The following PRADC1 variants were observed in gnomAD, a reference collection of about 807,000 sequenced individuals.
PRADC1 encodes protease associated domain containing 1, also known as protease-associated domain-containing protein 1.
A neutral mutation model predicts 22.9 loss-of-function variants in PRADC1; 23 were observed. The ratio of observed to expected loss-of-function variants is 1.00; its 90% CI spans 0.72 to 1.42. The LOEUF is 1.42. PRADC1 is among the 40% of genes most tolerant of loss of function. PRADC1 has a pLI of 0.00. For missense variants in PRADC1, 207 were observed against 258.3 expected, an observed-to-expected ratio of 0.80 and a Z score of 1.36; for synonymous variants, 71 against 100.3, an observed-to-expected ratio of 0.71 and a Z score of 1.75.
Position 73,231,485 on chromosome 2 carries a change from C to A in PRADC1, c.68-1272G>T, listed in dbSNP as rs552595855. On this transcript the variant is annotated intron_variant, in intron 1 of 4. Transcript: ENST00000258083. ...AGGCTGGAGTGCAGTGGCGCCATCT[C>A]GCCTCACAGCAACCTCCACCTCCCA... is the stretch of plus-strand genomic sequence containing the variant. Among the ~76,000 whole-genome samples the A allele has an allele frequency of 5.3e-5, 8 of 151,292 alleles. No individual in the cohort carries two copies. In the East Asian group the frequency reaches 1.6e-3, roughly 30 times the overall value.
intron 1 of PRADC1, among the ~76,000 whole-genome samples, chr2:73,232,323 C>CA (rs1436542084): frequency 7.0e-6 from 1 of 143,222 alleles, no homozygotes; most frequent in East Asian, 2.0e-4. Context: ...GGCGACAGAG[C>CA]AAGACTCCGT....
Position 73,228,538 on chromosome 2 carries a change from C to T in PRADC1, c.483G>A (p.Leu161=). The T allele has an allele frequency of 3.7e-6, 6 of 1,614,202 alleles. No homozygotes were observed. The highest frequency in any genetic ancestry group is 5.1e-6 in the Non-Finnish European group (6 of 1,180,044). The change falls in exon 5 of 5, where the codon CTG becomes CTA. Residue 161 remains leucine (L), a synonymous_variant. Transcript: ENST00000258083. This position sits in a 1 kb window ranked among gnomAD's most constrained non-coding sequence, Gnocchi z 4.0. ...MIRRSLEQHG[L]PWAIISIPVN... is the part of the protein sequence containing the mutation. ...CTGGGATGGAAATGATGGCCCATGG[C>T]AGCCCATGCTGTTCCAGAGAGCGGC...
chr2:73,229,456 C>T lies in PRADC1; in HGVS notation c.278+5G>A, dbSNP rs1208285147. Reference sequence around the variant, plus strand: ...CTCCTCGTGTCCTGCCTGCCCACTCCTTACCCCCTCTCCACCAGAGCAATC... The same window carrying T: ...CTCCTCGTGTCCTGCCTGCCCACTCTTTACCCCCTCTCCACCAGAGCAATC... On this transcript the variant is annotated splice_donor_5th_base_variant and intron_variant, in intron 3 of 4. Coordinates refer to ENST00000258083, the MANE Select transcript of PRADC1 (RefSeq NM_032319.3). 2.5e-6 allele frequency: 4 copies of T among 1,608,566 alleles called. No homozygotes were observed. The highest frequency in any genetic ancestry group is 3.4e-6 in the Non-Finnish European group (4 of 1,174,912).
At position 73,228,630 on chromosome 2, in the gene PRADC1, C is replaced by T; in HGVS notation, c.447-56G>A. 1 of 1,611,486 alleles carries T rather than the reference C, an allele frequency of 6.2e-7. No individual in the cohort carries two copies. Among genetic ancestry groups the T allele is most frequent in the African/African-American group, 1.3e-5 (1 of 74,984 alleles). On this transcript the variant is annotated intron_variant, in intron 4 of 4. Coordinates refer to ENST00000258083, the MANE Select transcript of PRADC1 (RefSeq NM_032319.3). The surrounding 1 kb of genome is among the most constrained non-coding windows in gnomAD (Gnocchi z 4.0). ...TCACTTTCTTGGTACCCCATCATGC[C>T]CCACTGTCCCCATCAATCTGGGAGT...
At chr2:73,231,001 A>T (rs949274089) in intron 1 of PRADC1, among the ~76,000 whole-genome samples, 1 of 152,226 alleles carries the variant, frequency 6.6e-6, no homozygotes, top group Non-Finnish European at 1.5e-5. Context: ...CACACCTTAA[A>T]TGTCACTTCC....
intron 3 of PRADC1, 133 bp from the exon 4 acceptor site, chr2:73,229,095 C>T: frequency 6.3e-6 from 5 of 788,846 alleles, no homozygotes; most frequent in Non-Finnish European, 1.0e-5. Flanking sequence ...TAGCTAAAAG[C>T]ATGGATAATT....
rs1446515313 is a variant in PRADC1, at chr2:73,228,421, G to C, written c.*33C>G. The C allele has an allele frequency of 1.2e-6, 2 of 1,612,812 alleles. No individual in the cohort carries two copies. Among genetic ancestry groups the C allele is most frequent in the Non-Finnish European group, 1.7e-6 (2 of 1,179,764 alleles). On this transcript the variant is annotated 3_prime_UTR_variant, in exon 5 of 5. Transcript: ENST00000258083. The surrounding 1 kb of genome is among the most constrained non-coding windows in gnomAD (Gnocchi z 4.0). ...CTGGGTTTCCCCTTCCCAGCTCAGA[G>C]TCACTTATGGCTGGAATGTGGGACA... is the stretch of plus-strand genomic sequence containing the variant.
chr2:73,231,182 C>G (rs1226899021), intron 1 of PRADC1, among the ~76,000 whole-genome samples: 1 of 152,158 alleles, frequency 6.6e-6, no homozygotes, highest in South Asian at 2.1e-4. Flanking sequence ...TGCAGTGTTG[C>G]GATCTAGGCT....
rs1304083070 is a variant in PRADC1, at chr2:73,228,237, C to T, written c.*217G>A. ...TAGCCAGAAGCCCTGGGGCCTGTCT[C>T]TTGCCTCTTCTTGTAGCATGAGACA... On this transcript the variant is annotated 3_prime_UTR_variant, in exon 5 of 5. Coordinates refer to ENST00000258083, the MANE Select transcript of PRADC1 (RefSeq NM_032319.3). The surrounding 1 kb of genome is among the most constrained non-coding windows in gnomAD (Gnocchi z 4.0). 2 of 578,852 alleles carry T rather than the reference C, an allele frequency of 3.5e-6. No individual in the cohort carries two copies. The highest frequency in any genetic ancestry group is 3.8e-5 in the African/African-American group (2 of 53,218). The allele number at this position is 578,852 out of a possible 1,614,324, so 35.9% of individuals were successfully genotyped here.
At chr2:73,230,585 C>T (rs1005927623) in intron 1 of PRADC1, among the ~76,000 whole-genome samples, 1 of 152,220 alleles carries the variant, frequency 6.6e-6, no homozygotes, top group Non-Finnish European at 1.5e-5. Context: ...TTTCTGGTCC[C>T]ACTGCCATCC....
intron 1 of PRADC1, 30 bp downstream of exon 1, chr2:73,233,064 T>G: frequency 6.5e-7 from 1 of 1,528,138 alleles, no homozygotes; most frequent in Admixed American, 2.0e-5. Context: ...AGCCCCGCCC[T>G]GCAACGCAGT....
chr2:73,229,643 C>G (rs1034576193), intron 2 of PRADC1, 73 bp from the exon 3 acceptor site: 4 of 1,149,292 alleles, frequency 3.5e-6, no homozygotes, highest in Non-Finnish European at 5.3e-6. Flanking sequence ...GGCTGACAAT[C>G]CCATCTTATT....
In PRADC1 at chr2:73,229,976, C is replaced by T. The variant is rs1421947522; in HGVS notation, c.168+137G>A. 6.0e-6 allele frequency: 4 copies of T among 662,110 alleles called. No individual in the cohort carries two copies. In the African/African-American group the frequency reaches 7.2e-5, roughly 12 times the overall value. The allele number at this position is 662,110 out of a possible 1,614,324, so 41.0% of individuals were successfully genotyped here. A position where few individuals can be genotyped will look rare whatever the true frequency, so the allele number is the denominator to read the frequency against. On this transcript the variant is annotated intron_variant, in intron 2 of 4. Transcript: ENST00000258083. ...TAGCTGGAAGAGCTTCCTTTCTGTG[C>T]TGCAGCTCATGGAAGGCAGAGCTGA...
intron 2 of PRADC1, 129 bp downstream of exon 2, chr2:73,229,984 C>A: frequency 1.5e-6 from 1 of 681,768 alleles, no homozygotes. Flanking sequence ...TGCTGCAGCT[C>A]ATGGAAGGCA....
rs753233801 is a variant in PRADC1, at chr2:73,228,273, C to T, written c.*181G>A. On this transcript the variant is annotated 3_prime_UTR_variant, in exon 5 of 5. Coordinates refer to ENST00000258083, the MANE Select transcript of PRADC1 (RefSeq NM_032319.3). This position sits in a 1 kb window ranked among gnomAD's most constrained non-coding sequence, Gnocchi z 4.0. ...TTGTAGCATGAGACACCCTTGGGGG[C>T]CCTGGGGAAGGGAAGGCCAGTGGTG... is the stretch of plus-strand genomic sequence containing the variant. 65 of 697,594 alleles carry T rather than the reference C, an allele frequency of 9.3e-5. No homozygotes were observed. The highest frequency in any genetic ancestry group is 1.4e-4 in the Admixed American group (5 of 35,944). 43.2% of individuals were successfully genotyped at this position (697,594 alleles called of 1,614,324 possible).
rs1411778259 is a variant in PRADC1 at position 73,233,207 on chromosome 2, C to A, written c.-47G>T. 31 of 1,238,980 alleles carry A rather than the reference C, an allele frequency of 2.5e-5. No homozygotes were observed. Among genetic ancestry groups the A allele is most frequent in the Admixed American group, 4.0e-5 (1 of 25,076 alleles). The allele number at this position is 1,238,980 out of a possible 1,614,324, so 76.7% of individuals were successfully genotyped here. A position where few individuals can be genotyped will look rare whatever the true frequency, so the allele number is the denominator to read the frequency against. ...GGCGCCGCGTTTCCTCTCGCCGCCCCGCCGCGCGTCGCTCGCAGGACTTCA... is the reference window on the plus strand; with the variant it reads ...GGCGCCGCGTTTCCTCTCGCCGCCCAGCCGCGCGTCGCTCGCAGGACTTCA... On this transcript the variant is annotated 5_prime_UTR_variant, in exon 1 of 5. Transcript: ENST00000258083.
chr2:73,229,612 GAC>G (rs775488005), intron 2 of PRADC1, 42 bp from the exon 3 acceptor site: 6 of 1,460,218 alleles, frequency 4.1e-6, no homozygotes, highest in African/African-American at 1.4e-5. Flanking sequence ...AGTGTAATGA[GAC>G]ACACCTGCTT....
chr2:73,230,348 T>C (rs1574345471), intron 1 of PRADC1, 135 bp from the exon 2 acceptor site: 3 of 650,794 alleles, frequency 4.6e-6, no homozygotes, highest in Non-Finnish European at 2.8e-6. Flanking sequence ...CGGGGTCCAC[T>C]AGTGGCAGGG....
In PRADC1 at chr2:73,229,544, A is replaced by C. The variant is rs776316328; in HGVS notation, c.195T>G (p.Leu65=). 6 of 1,613,952 alleles carry C rather than the reference A, an allele frequency of 3.7e-6. No homozygotes were observed. In the East Asian group the frequency reaches 1.3e-4, roughly 36 times the overall value. ...IFHTRYEQIH[L]VPAEPPEACG... ...AGGCCTCTGGAGGTTCAGCGGGGACAAGGTGAATCTGCTCATACCTTGTGT... is the reference window on the plus strand; with the variant it reads ...AGGCCTCTGGAGGTTCAGCGGGGACCAGGTGAATCTGCTCATACCTTGTGT... Residue 65 remains leucine, a synonymous_variant, in exon 3 of 5, where the codon CTT becomes CTG. Coordinates refer to ENST00000258083, the MANE Select transcript of PRADC1 (RefSeq NM_032319.3).
Sources: allele counts gnomAD v4.1 joint callset (sites outside exome capture counted in the v4.1 genomes callset), GRCh38; gene constraint gnomAD v4.1.1; non-coding constraint Gnocchi (gnomAD v3.1); transcripts MANE v1.5; gene names NCBI Gene and HGNC (gene_info 2026-07-23, HGNC 2026-07-21).